Variants in BRD10 observed in about 807,000 individuals in gnomAD.
BRD10 encodes bromodomain containing 10, also known as uncharacterized bromodomain-containing protein 10.
the BRD10 span, among the ~76,000 whole-genome samples, chr9:5,899,952 A>G: frequency 6.6e-6 from 1 of 152,222 alleles, no homozygotes; most frequent in African/African-American, 2.4e-5. Flanking sequence ...GAAATCTGTG[A>G]TGTAACACAA....
chr9:6,004,409 C>T, the BRD10 span, among the ~76,000 whole-genome samples: 3 of 152,148 alleles, frequency 2.0e-5, no homozygotes, highest in East Asian at 5.8e-4. Context: ...CCTCATTATA[C>T]AGATAAGGAA....
At chr9:5,932,569 C>T in the BRD10 span, among the ~76,000 whole-genome samples, 1 of 152,000 alleles carries the variant, frequency 6.6e-6, no homozygotes, top group Non-Finnish European at 1.5e-5. Context: ...GATTTAAAGT[C>T]TACAGGAGGA....
chr9:5,892,624 T>A, the BRD10 span: 1 of 1,215,128 alleles, frequency 8.2e-7, no homozygotes, highest in Non-Finnish European at 1.2e-6. Flanking sequence ...CTTCCACCAG[T>A]ACATGCCTGC....
At chr9:5,907,132 T>C in the BRD10 span, 1 of 445,546 alleles carries the variant, frequency 2.2e-6, no homozygotes, top group Non-Finnish European at 3.9e-6. Context: ...CACCTAAAAA[T>C]GGTTAAAATG....
the BRD10 span, among the ~76,000 whole-genome samples, chr9:5,933,367 A>T: frequency 6.6e-6 from 1 of 152,228 alleles, no homozygotes; most frequent in Non-Finnish European, 1.5e-5. Context: ...TCTTTTATGA[A>T]TCAACAAAAG....
the BRD10 span, among the ~76,000 whole-genome samples, chr9:5,951,681 T>C: frequency 1.3e-5 from 2 of 152,206 alleles, no homozygotes; most frequent in Non-Finnish European, 2.9e-5. Context: ...TCTTCTTACA[T>C]GTGGAAGACT....
chr9:5,901,402 T>C, the BRD10 span, among the ~76,000 whole-genome samples: 2 of 152,240 alleles, frequency 1.3e-5, no homozygotes, highest in African/African-American at 4.8e-5. Flanking sequence ...CCCTCGTTTA[T>C]TGAGAGTTTT....
chr9:5,919,740 C>T, the BRD10 span: 1 of 1,613,244 alleles, frequency 6.2e-7, no homozygotes, highest in Non-Finnish European at 8.5e-7. Flanking sequence ...GCAGGGAAGA[C>T]AGACGCAGGA....
the BRD10 span, among the ~76,000 whole-genome samples, chr9:5,989,536 G>T: frequency 2.0e-5 from 3 of 146,964 alleles, no homozygotes; most frequent in African/African-American, 7.6e-5. Flanking sequence ...TCATTAAAAT[G>T]TAAATTTTTT....
At chr9:5,971,052 C>CAAAA in the BRD10 span, among the ~76,000 whole-genome samples, 30 of 43,198 alleles carry the variant, frequency 6.9e-4, 7 homozygotes, top group African/African-American at 1.4e-3. Context: ...AGCAACGTCT[C>CAAAA]AAAAAAAAAA....
the BRD10 span, chr9:5,922,440 G>A: frequency 6.2e-7 from 1 of 1,613,930 alleles, no homozygotes; most frequent in Non-Finnish European, 8.5e-7. Context: ...GGCGACAAAG[G>A]CTGTGGTCTA....
chr9:5,892,320 C>T, the BRD10 span: 4 of 510,764 alleles, frequency 7.8e-6, no homozygotes, highest in Middle Eastern at 4.1e-4. Context: ...AATCCCCTCA[C>T]AGAGAGAAAC....
the BRD10 span, among the ~76,000 whole-genome samples, chr9:6,001,079 G>A: frequency 1.3e-5 from 2 of 152,092 alleles, no homozygotes; most frequent in Non-Finnish European, 2.9e-5. Context: ...GGGCTCAAAT[G>A]CTTCTATTCA....
At chr9:5,912,178 C>T in the BRD10 span, among the ~76,000 whole-genome samples, 2 of 152,030 alleles carry the variant, frequency 1.3e-5, no homozygotes, top group Admixed American at 6.5e-5. Flanking sequence ...TCAGGTTGTT[C>T]CCTGTTGGCA....
chr9:5,923,283 A>T, the BRD10 span: 2 of 1,608,364 alleles, frequency 1.2e-6, no homozygotes, highest in Admixed American at 1.7e-5. Flanking sequence ...GCCATAGGAA[A>T]ATCTATTTCT....
chr9:5,922,647 C>T, the BRD10 span: 14 of 1,613,774 alleles, frequency 8.7e-6, no homozygotes, highest in Non-Finnish European at 1.2e-5. Context: ...ACTGCTTTTC[C>T]TTCTTTATGC....
chr9:5,879,576 T>C, the BRD10 span, among the ~76,000 whole-genome samples: 55 of 152,284 alleles, frequency 3.6e-4, 1 homozygote, highest in African/African-American at 1.2e-3. Flanking sequence ...TGACCCTTGA[T>C]GACCGCCCAC....
At chr9:6,007,825 G>T in the BRD10 span, 1 of 1,418,734 alleles carries the variant, frequency 7.0e-7, no homozygotes, top group Non-Finnish European at 9.1e-7. Context: ...TGGAACAGCC[G>T]CTCGAGGTGC....
the BRD10 span, among the ~76,000 whole-genome samples, chr9:5,891,986 T>C: frequency 2.0e-5 from 3 of 152,224 alleles, no homozygotes; most frequent in African/African-American, 4.8e-5. Context: ...TTATGTATCA[T>C]AGCCTCTGTT....
Sources: allele counts gnomAD v4.1 joint callset (sites outside exome capture counted in the v4.1 genomes callset), GRCh38; gene constraint gnomAD v4.1.1; transcripts MANE v1.5; gene names NCBI Gene and HGNC (gene_info 2026-07-23, HGNC 2026-07-21).